HECW2: variants seen among roughly 807,000 people sequenced by gnomAD.
The protein encoded by HECW2 is E3 ubiquitin-protein ligase HECW2.
In HECW2, 61 loss-of-function variants were observed where a neutral mutation model predicts 175.2. That is an observed-to-expected ratio of 0.35 (90% confidence interval 0.28 to 0.43). The LOEUF (loss-of-function observed/expected upper bound fraction) is 0.43. Ranked by LOEUF, HECW2 falls within the 20% of genes least tolerant of loss-of-function variation. The pLI is 1.00. For synonymous variants in HECW2, 671 were observed against 731.0 expected (o/e 0.92, Z 1.32); for missense variants, 1,524 against 2,000.5 (o/e 0.76, Z 4.54).
intron 21 of HECW2, among the ~76,000 whole-genome samples, chr2:196,237,506 G>A (rs1688297620): frequency 6.6e-6 from 1 of 152,194 alleles, no homozygotes; most frequent in South Asian, 2.1e-4. Flanking sequence ...CCAGGTTGCT[G>A]TGAATGTCAT....
At chr2:196,588,203 A>G (rs1691056226) in intron 1 of HECW2, among the ~76,000 whole-genome samples, 1 of 152,234 alleles carries the variant, frequency 6.6e-6, no homozygotes, top group African/African-American at 2.4e-5. Context: ...AACAGAATGA[A>G]AACTCTACAA....
rs1447460512 is a variant in HECW2, at chr2:196,524,690, T to C, written c.-36+68818A>G. On this transcript the variant is annotated intron_variant, in intron 1 of 28. Transcript: ENST00000644978. ...TGGTATGTTGTGTCTTTGTTCTCAT[T>C]GGTTTCAAAGAACATCTTTATTTCT... is the stretch of plus-strand genomic sequence containing the variant. Among the ~76,000 whole-genome samples the C allele has an allele frequency of 5.0e-5, 6 of 119,856 alleles. 1 individual carries two copies. Among genetic ancestry groups the C allele is most frequent in the Admixed American group, 3.8e-4 (5 of 13,062 alleles). The allele number at this position is 119,856 out of a possible 152,430, so 78.6% of individuals were successfully genotyped here.
chr2:196,202,513 G>A (rs1240696776), intron 28 of HECW2, among the ~76,000 whole-genome samples: 1 of 152,160 alleles, frequency 6.6e-6, no homozygotes, highest in Admixed American at 6.5e-5. Flanking sequence ...ACTTGTCTGA[G>A]AAGGATGTGA....
intron 13 of HECW2, among the ~76,000 whole-genome samples, chr2:196,301,809 A>C (rs11901261): frequency 0.21 from 31,785 of 151,764 alleles, 3,609 homozygotes; most frequent in Middle Eastern, 0.28. Flanking sequence ...ACAGACTACA[A>C]AAATTTTCTC....
At position 196,215,566 on chromosome 2, in the gene HECW2, T is replaced by C. The variant is rs112735379; in HGVS notation, c.4607+299A>G. ...TAAAACTCAAGCTTCTGGAAACACC[T>C]GATTAGAGCCACAATCATAAGCCAC... On this transcript the variant is annotated intron_variant, in intron 28 of 28. Transcript: ENST00000644978. 6.7e-3 allele frequency among the ~76,000 whole-genome samples: 1,024 copies of C among 152,292 alleles called. 15 individuals carry two copies. The highest frequency in any genetic ancestry group is 0.023 in the African/African-American group (953 of 41,560).
chr2:196,455,349 A>G (rs1400977747), intron 1 of HECW2, among the ~76,000 whole-genome samples: 1 of 152,142 alleles, frequency 6.6e-6, no homozygotes, highest in African/African-American at 2.4e-5. Flanking sequence ...CTTAATTTTT[A>G]TTAACTTTTT....
At chr2:196,560,148 G>A (rs1689945871) in intron 1 of HECW2, among the ~76,000 whole-genome samples, 1 of 152,090 alleles carries the variant, frequency 6.6e-6, no homozygotes, top group African/African-American at 2.4e-5. Flanking sequence ...TGCTGCTGCA[G>A]GGACCACCCT....
At chr2:196,548,872 G>A (rs2375942) in intron 1 of HECW2, among the ~76,000 whole-genome samples, 7,681 of 152,062 alleles carry the variant, frequency 0.051, 642 homozygotes, top group African/African-American at 0.17. Context: ...CCCTCTGTGC[G>A]TGTCTTTCTG....
intron 1 of HECW2, among the ~76,000 whole-genome samples, chr2:196,580,654 C>CAAAAAAAAA (rs56875271): frequency 1.1e-5 from 1 of 91,968 alleles, no homozygotes. Flanking sequence ...GCTACAATGG[C>CAAAAAAAAA]AAAAAAAAAA....
chr2:196,337,799 G>A (rs1052864672), intron 3 of HECW2, among the ~76,000 whole-genome samples: 2 of 152,078 alleles, frequency 1.3e-5, no homozygotes, highest in African/African-American at 4.8e-5. Context: ...CCTGATATCG[G>A]CTGAGCCAGG....
chr2:196,553,400 T>C (rs1689668429), intron 1 of HECW2, among the ~76,000 whole-genome samples: 1 of 152,216 alleles, frequency 6.6e-6, no homozygotes, highest in African/African-American at 2.4e-5. Flanking sequence ...CAAATATACA[T>C]GGAGCACCAG....
intron 1 of HECW2, among the ~76,000 whole-genome samples, chr2:196,439,782 A>C (rs796547658): frequency 6.6e-6 from 1 of 152,294 alleles, no homozygotes; most frequent in African/African-American, 2.4e-5. Flanking sequence ...AGTCTCAGGA[A>C]ACGTAATCTG....
At chr2:196,309,601 A>T (rs1045194196) in intron 10 of HECW2, among the ~76,000 whole-genome samples, 1 of 50,932 alleles carries the variant, frequency 2.0e-5, no homozygotes, top group African/African-American at 6.4e-5. Context: ...ATCTCAAAAG[A>T]TTTTGGGAAC....
In HECW2 at chr2:196,364,024, T is replaced by C. The variant is rs1195984660; in HGVS notation, c.293-20260A>G. Among the ~76,000 whole-genome samples, 3 of 152,122 alleles carry C rather than the reference T, an allele frequency of 2.0e-5. No homozygotes were observed. In the East Asian group the frequency reaches 5.8e-4, roughly 29 times the overall value. Reference sequence around the variant, plus strand: ...TGACTACTTTCTAGTTATGGACCAATAGACTCTGTTGGGTAGAAGAGAGAC... The same window carrying C: ...TGACTACTTTCTAGTTATGGACCAACAGACTCTGTTGGGTAGAAGAGAGAC... On this transcript the variant is annotated intron_variant, in intron 2 of 28. Coordinates refer to ENST00000644978, the MANE Select transcript of HECW2 (RefSeq NM_001348768.2).
At position 196,198,090 on chromosome 2, in the gene HECW2, G is replaced by A. The variant is rs1686745837; in HGVS notation, c.*3187C>T. 1 of 152,114 alleles carries A rather than the reference G, an allele frequency of 6.6e-6. No individual in the cohort carries two copies. The highest frequency in any genetic ancestry group is 1.5e-5 in the Non-Finnish European group (1 of 68,018). 9.4% of individuals were successfully genotyped at this position (152,114 alleles called of 1,614,324 possible). ...GACCCCAGAAGTGGTTTGGGCTCAG[G>A]GATTGGGATTTTTCACACTGAAAAC... On this transcript the variant is annotated 3_prime_UTR_variant, in exon 29 of 29. Coordinates refer to ENST00000644978, the MANE Select transcript of HECW2 (RefSeq NM_001348768.2).
At chr2:196,334,127 A>G (rs536592720) in intron 4 of HECW2, among the ~76,000 whole-genome samples, 10 of 152,298 alleles carry the variant, frequency 6.6e-5, no homozygotes, top group Middle Eastern at 3.4e-3. Context: ...GGTCACCCAC[A>G]CTAAGTTTAA....
intron 2 of HECW2, among the ~76,000 whole-genome samples, chr2:196,346,178 C>T (rs1281992568): frequency 3.9e-5 from 6 of 152,234 alleles, no homozygotes; most frequent in Non-Finnish European, 7.3e-5. Flanking sequence ...GTTAATGTGA[C>T]CTCACTGTAA....
At chr2:196,343,791 A>G in intron 2 of HECW2, 27 bp from the exon 3 acceptor site, 1 of 1,387,908 alleles carries the variant, frequency 7.2e-7, no homozygotes, top group Non-Finnish European at 1.0e-6. Context: ...AACACTTTTC[A>G]GATTAATTAT....
At chr2:196,411,565 C>T (rs1695111661) in intron 2 of HECW2, among the ~76,000 whole-genome samples, 1 of 152,224 alleles carries the variant, frequency 6.6e-6, no homozygotes, top group Admixed American at 6.5e-5. Flanking sequence ...TAAAAGGAGA[C>T]ACACCAGGAA....
Sources: allele counts gnomAD v4.1 joint callset (sites outside exome capture counted in the v4.1 genomes callset), GRCh38; gene constraint gnomAD v4.1.1; transcripts MANE v1.5; gene names NCBI Gene and HGNC (gene_info 2026-07-23, HGNC 2026-07-21).